WDR11: variants seen among roughly 807,000 people sequenced by gnomAD.
WDR11 encodes WD repeat-containing protein 11.
WDR11 carries 83 observed loss-of-function variants against 151.2 expected under a neutral mutation model. That is an observed-to-expected ratio of 0.55 (90% CI 0.46 to 0.66). The LOEUF (loss-of-function observed/expected upper bound fraction) is 0.66, where lower values mean the gene tolerates loss of function less well. Ranked by LOEUF, WDR11 falls within the 30% of genes least tolerant of loss-of-function variation. The pLI, the probability that WDR11 is intolerant of heterozygous loss-of-function variation, is 0.00. For synonymous variants in WDR11, 484 were observed against 533.1 expected, an observed-to-expected ratio of 0.91 and a Z score of 1.27; for missense variants, 1,301 against 1,480.9, an observed-to-expected ratio of 0.88 and a Z score of 1.99.
intron 27 of WDR11, chr10:120,906,315 A>T: frequency 1.5e-6 from 2 of 1,292,392 alleles, no homozygotes; most frequent in Non-Finnish European, 2.0e-6. Context: ...CTTTGACTAG[A>T]GCAACTGAGA....
At chr10:120,906,669 T>C (rs2133819606) in intron 27 of WDR11, 107 bp from the exon 28 acceptor site, 1 of 1,598,772 alleles carries the variant, frequency 6.3e-7, no homozygotes, top group Admixed American at 1.7e-5. Context: ...TAATGCAGTA[T>C]GCAGGTTTCC....
intron 19 of WDR11, among the ~76,000 whole-genome samples, chr10:120,898,910 A>AT (rs1847709608): frequency 6.6e-6 from 1 of 152,186 alleles, no homozygotes; most frequent in Non-Finnish European, 1.5e-5. Context: ...AACACCATGT[A>AT]TAAGTTTGTG....
At chr10:120,857,239 C>A (rs975855369) in intron 2 of WDR11, among the ~76,000 whole-genome samples, 5 of 152,108 alleles carry the variant, frequency 3.3e-5, no homozygotes, top group African/African-American at 7.2e-5. Context: ...GAGATGAACA[C>A]TTGTTTTGCC....
At chr10:120,902,062 C>G (rs1590117515) in intron 21 of WDR11, among the ~76,000 whole-genome samples, 195 bp from the exon 22 acceptor site, 1 of 152,220 alleles carries the variant, frequency 6.6e-6, no homozygotes. Flanking sequence ...TGCTGCTTCT[C>G]CAAGCCTTGA....
intron 28 of WDR11, chr10:120,907,537 C>T (rs1349480456): frequency 2.0e-5 from 3 of 152,132 alleles, no homozygotes; most frequent in Non-Finnish European, 4.4e-5. Flanking sequence ...CATTTGCTCT[C>T]ATTTCTACAT....
intron 13 of WDR11, among the ~76,000 whole-genome samples, chr10:120,883,263 G>C (rs1007823298): frequency 2.0e-5 from 3 of 152,064 alleles, no homozygotes; most frequent in Non-Finnish European, 4.4e-5. Context: ...TCCTCATAAT[G>C]CTTATTGAGT....
chr10:120,866,664 T>C lies in WDR11; in HGVS notation c.1090T>C (p.Cys364Arg). The part of the protein sequence containing the change: ...KTVRPFSMVC[C>R]PVNENAAALV... ...CGTCCGTCCCTTCAGTATGGTGTGC[T>C]GTCCTGTCAATGAGAATGCAGCCGC... Residue 364 changes from cysteine to arginine, a missense_variant, in exon 8 of 29, where the codon TGT becomes CGT. Physicochemically the swap from Cys to Arg is radical, Grantham distance 180. This residue lies in a region of WDR11 where 692 missense variants were observed against 762.5 expected (regional missense o/e 0.91). Transcript: ENST00000263461. 1 of 1,614,214 alleles carries C rather than the reference T, an allele frequency of 6.2e-7. No individual in the cohort carries two copies.
intron 4 of WDR11, chr10:120,862,511 A>G (rs751794449): frequency 3.6e-5 from 17 of 471,242 alleles, no homozygotes; most frequent in Non-Finnish European, 6.4e-5. Flanking sequence ...TTTTTAATAT[A>G]AGACATAATA....
At chr10:120,883,325 T>G (rs1847094045) in intron 13 of WDR11, among the ~76,000 whole-genome samples, 2 of 152,234 alleles carry the variant, frequency 1.3e-5, no homozygotes, top group African/African-American at 4.8e-5. Context: ...TGTCATTCAG[T>G]ACTTCTTTCA....
In WDR11 at chr10:120,862,658, C is replaced by G. The variant is rs79013558; in HGVS notation, c.527-77C>G. ...TTATTAAAATTATCACTATATTGCT[C>G]TCAAAATTGTATTGGAATAAAACTG... On this transcript the variant is annotated intron_variant, in intron 4 of 28. Coordinates refer to ENST00000263461, the MANE Select transcript of WDR11 (RefSeq NM_018117.12). The G allele has an allele frequency of 2.0e-3, 2,878 of 1,439,372 alleles. 34 individuals are homozygous for G. The African/African-American group carries it at 0.027, about 14-fold the overall frequency. The allele number at this position is 1,439,372 out of a possible 1,614,324, so 89.2% of individuals were successfully genotyped here. A position where few individuals can be genotyped will look rare whatever the true frequency, so the allele number is the denominator to read the frequency against.
At chr10:120,891,785 G>A (rs1847437227) in intron 19 of WDR11, among the ~76,000 whole-genome samples, 1 of 152,126 alleles carries the variant, frequency 6.6e-6, no homozygotes, top group African/African-American at 2.4e-5. Flanking sequence ...ATGTTAGCAG[G>A]GCTGCCTTTA....
At chr10:120,852,719 AC>A (rs1845823641) in intron 2 of WDR11, 84 bp downstream of exon 2, 2 of 1,176,214 alleles carry the variant, frequency 1.7e-6, no homozygotes, top group Admixed American at 3.7e-5. Flanking sequence ...ATTAAGTCTT[AC>A]GTGTAAGTGT....
chr10:120,877,039 T>C (rs1221454345), intron 11 of WDR11, among the ~76,000 whole-genome samples: 5 of 151,942 alleles, frequency 3.3e-5, no homozygotes, highest in Non-Finnish European at 7.4e-5. Flanking sequence ...ATTTCACACA[T>C]GCTTCTGAAA....
At chr10:120,859,892 CT>C (rs1388764766) in intron 3 of WDR11, among the ~76,000 whole-genome samples, 3 of 151,752 alleles carry the variant, frequency 2.0e-5, no homozygotes, top group African/African-American at 7.3e-5. Context: ...AAATTTTTAC[CT>C]TGAGAGTTTA....
At chr10:120,887,473 T>A (rs1367936277) in intron 16 of WDR11, among the ~76,000 whole-genome samples, 1 of 152,192 alleles carries the variant, frequency 6.6e-6, no homozygotes, top group Non-Finnish European at 1.5e-5. Flanking sequence ...GGGGATTTTT[T>A]AAAATAGGTA....
At chr10:120,859,286 G>C (rs1030088180) in intron 3 of WDR11, among the ~76,000 whole-genome samples, 6 of 69,592 alleles carry the variant, frequency 8.6e-5, no homozygotes, top group Non-Finnish European at 1.4e-4. Context: ...TTTTTTTTTT[G>C]AGATGGAGTG....
intron 10 of WDR11, among the ~76,000 whole-genome samples, chr10:120,872,004 C>T (rs1466853514): frequency 2.0e-5 from 3 of 152,134 alleles, no homozygotes; most frequent in Non-Finnish European, 4.4e-5. Flanking sequence ...ATACATTTCT[C>T]CAAAACTTCT....
rs367877493 is a variant in WDR11 at position 120,852,432 on chromosome 10, A to G, written c.87-92A>G. ...AATGATTTTATTAATGGTGGTACAT[A>G]TGAATTAGACTTATCATTTATTTAG... On this transcript the variant is annotated intron_variant, in intron 1 of 28. Transcript: ENST00000263461. 51 of 1,012,174 alleles carry G rather than the reference A, an allele frequency of 5.0e-5. No individual in the cohort carries two copies. The East Asian group carries it at 9.5e-4, about 19-fold the overall frequency. 62.7% of individuals were successfully genotyped at this position (1,012,174 alleles called of 1,614,324 possible). A position where few individuals can be genotyped will look rare whatever the true frequency, so the allele number is the denominator to read the frequency against.
At chr10:120,852,745 A>G in intron 2 of WDR11, 110 bp downstream of exon 2, 1 of 926,040 alleles carries the variant, frequency 1.1e-6, no homozygotes, top group South Asian at 1.4e-5. Flanking sequence ...TAGCTTTTAA[A>G]TATAACAACC....
Sources: gnomAD v4.1 joint callset for allele counts (sites outside exome capture counted in the v4.1 genomes callset) on GRCh38, gnomAD v4.1.1 for gene constraint, gnomAD v4.1.1 regional missense constraint, MANE v1.5 for transcripts, NCBI Gene and HGNC (gene_info 2026-07-23, HGNC 2026-07-21) for gene names.